FAM13A: variants seen among roughly 807,000 people sequenced by gnomAD.
FAM13A encodes family with sequence similarity 13 member A.
Under a neutral mutation model 129.6 loss-of-function variants are expected in FAM13A, and 76 were observed. The ratio of observed to expected loss-of-function variants is 0.59; its 90% confidence interval spans 0.49 to 0.71. The LOEUF is 0.71. FAM13A is among the 30% of genes least tolerant of loss of function. The pLI is 0.00. For synonymous variants in FAM13A, 443 were observed against 449.9 expected (o/e 0.98, Z 0.20); for missense variants, 1,108 against 1,249.3 (o/e 0.89, Z 1.70).
At chr4:88,943,249 G>T (rs1176084931) in intron 4 of FAM13A, among the ~76,000 whole-genome samples, 1 of 152,024 alleles carries the variant, frequency 6.6e-6, no homozygotes, top group African/African-American at 2.4e-5. Flanking sequence ...ATTCCAGAAG[G>T]GCTCCTTAAA....
chr4:88,951,184 A>C (rs1351932074), intron 4 of FAM13A, among the ~76,000 whole-genome samples: 1 of 152,162 alleles, frequency 6.6e-6, no homozygotes, highest in Non-Finnish European at 1.5e-5. Context: ...GTTTTGTCCT[A>C]GATGATATAT....
intron 6 of FAM13A, among the ~76,000 whole-genome samples, chr4:88,891,998 G>T (rs1200359192): frequency 2.0e-5 from 3 of 152,006 alleles, no homozygotes; most frequent in Non-Finnish European, 4.4e-5. Context: ...ACAATGATGT[G>T]AGACCCTGTC....
At chr4:88,865,322 T>C (rs57433179) in intron 6 of FAM13A, among the ~76,000 whole-genome samples, 11,966 of 152,200 alleles carry the variant, frequency 0.079, 725 homozygotes, top group African/African-American at 0.17. Flanking sequence ...GTTGGTCAGT[T>C]AGGCACAATT....
intron 1 of FAM13A, among the ~76,000 whole-genome samples, chr4:89,034,650 G>A (rs1769127450): frequency 6.6e-6 from 1 of 152,214 alleles, no homozygotes; most frequent in Non-Finnish European, 1.5e-5. Context: ...GGGAGGCCAA[G>A]GCAGGTGGAT....
At chr4:88,958,071 A>C (rs1585259) in intron 4 of FAM13A, among the ~76,000 whole-genome samples, 3 of 142,926 alleles carry the variant, frequency 2.1e-5, no homozygotes, top group South Asian at 2.1e-4. Flanking sequence ...CGTCAGAGGG[A>C]AAAAAAAAAA....
intron 19 of FAM13A, among the ~76,000 whole-genome samples, chr4:88,745,726 C>T (rs958295307): frequency 6.6e-6 from 1 of 152,160 alleles, no homozygotes; most frequent in Non-Finnish European, 1.5e-5. Context: ...AGAGCATTTA[C>T]TATTTGGTTC....
chr4:88,958,770 C>G (rs1758161918), intron 4 of FAM13A, among the ~76,000 whole-genome samples: 1 of 152,218 alleles, frequency 6.6e-6, no homozygotes, highest in Non-Finnish European at 1.5e-5. Flanking sequence ...GGCTACCACT[C>G]TCCAGATCCC....
At chr4:88,831,968 A>T (rs1561111506) in intron 7 of FAM13A, among the ~76,000 whole-genome samples, 1 of 152,336 alleles carries the variant, frequency 6.6e-6, no homozygotes, top group East Asian at 1.9e-4. Flanking sequence ...AGCTGGAAGT[A>T]TCACACTACC....
chr4:89,019,908 T>C (rs1252721161), intron 3 of FAM13A, among the ~76,000 whole-genome samples: 2 of 152,166 alleles, frequency 1.3e-5, no homozygotes, highest in African/African-American at 4.8e-5. Context: ...CAGTGAGCTT[T>C]CAGTCTCAAA....
rs57422713 is a variant in FAM13A, at chr4:88,976,945, C to A, written c.605+14028G>T. ...TGTAGCCTAGGAGCAATAGTCTATA[C>A]CATATAGCTTAGGTGTGTAGTAGAC... On this transcript the variant is annotated intron_variant, in intron 4 of 23. Coordinates refer to ENST00000264344, the MANE Select transcript of FAM13A (RefSeq NM_014883.4). 2.9e-3 allele frequency among the ~76,000 whole-genome samples: 439 copies of A among 152,224 alleles called. 1 individual carries two copies. Among genetic ancestry groups the A allele is most frequent in the African/African-American group, 9.9e-3 (413 of 41,556 alleles).
chr4:88,969,002 A>G (rs559032636), intron 4 of FAM13A, among the ~76,000 whole-genome samples: 11 of 152,228 alleles, frequency 7.2e-5, no homozygotes, highest in Non-Finnish European at 1.6e-4. Flanking sequence ...AAGATGTTCC[A>G]AAGAGGTCAT....
intron 9 of FAM13A, among the ~76,000 whole-genome samples, chr4:88,788,291 C>T (rs1724387144): frequency 6.6e-6 from 1 of 151,964 alleles, no homozygotes; most frequent in African/African-American, 2.4e-5. Flanking sequence ...TAATAGTAGA[C>T]CTATTCTTAC....
chr4:88,746,802 T>C (rs1463981868), intron 19 of FAM13A, 130 bp downstream of exon 19: 2 of 655,856 alleles, frequency 3.0e-6, no homozygotes, highest in Admixed American at 2.6e-5. Context: ...AAATATATAC[T>C]AACCTCCTTT....
intron 6 of FAM13A, among the ~76,000 whole-genome samples, chr4:88,871,474 A>C (rs541991850): frequency 6.6e-6 from 1 of 152,240 alleles, no homozygotes; most frequent in Non-Finnish European, 1.5e-5. Context: ...GCTGAAAACC[A>C]TGGCACAAGA....
intron 7 of FAM13A, among the ~76,000 whole-genome samples, chr4:88,841,439 AGCCGAGATCACGCCACTGCACT>A: frequency 6.8e-6 from 1 of 146,770 alleles, no homozygotes; most frequent in Non-Finnish European, 1.5e-5. Context: ...GGTTGCAGTG[AGCCGAGATCACGCCACTGCACT>A]CCAGCCTGGG....
chr4:88,834,339 T>G (rs1734452339), intron 7 of FAM13A, among the ~76,000 whole-genome samples: 1 of 152,102 alleles, frequency 6.6e-6, no homozygotes, highest in Non-Finnish European at 1.5e-5. Flanking sequence ...CAAAAATCTT[T>G]TTTTCCTCAT....
At chr4:88,988,950 G>A (rs1762596115) in intron 4 of FAM13A, among the ~76,000 whole-genome samples, 1 of 152,184 alleles carries the variant, frequency 6.6e-6, no homozygotes, top group African/African-American at 2.4e-5. Context: ...GGTCGGGCCT[G>A]TAATCCCAGC....
At chr4:88,947,152 T>A (rs2148857727) in intron 4 of FAM13A, among the ~76,000 whole-genome samples, 1 of 152,310 alleles carries the variant, frequency 6.6e-6, no homozygotes, top group African/African-American at 2.4e-5. Context: ...CTCATGCCTG[T>A]AATCCCAGCA....
chr4:88,978,338 G>A (rs1312690639), intron 4 of FAM13A, among the ~76,000 whole-genome samples: 2 of 152,026 alleles, frequency 1.3e-5, no homozygotes, highest in Non-Finnish European at 2.9e-5. Context: ...ATGAGGAATA[G>A]ATAACTAAAG....
Sources: gnomAD v4.1 joint callset for allele counts (sites outside exome capture counted in the v4.1 genomes callset) on GRCh38, gnomAD v4.1.1 for gene constraint, MANE v1.5 for transcripts, NCBI Gene and HGNC (gene_info 2026-07-23, HGNC 2026-07-21) for gene names.